The following PDZD9 variants were observed in gnomAD, a reference collection of about 807,000 sequenced individuals.
The protein encoded by PDZD9 is PDZ domain-containing protein 9.
A neutral mutation model predicts 16.3 loss-of-function variants in PDZD9; 13 were observed. The ratio of observed to expected loss-of-function variants is 0.80; its 90% CI spans 0.52 to 1.27. PDZD9 has a LOEUF of 1.27. Among genes scored for constraint, PDZD9 ranks in the 50% most tolerant of loss-of-function variants. The pLI is 0.00. For synonymous variants in PDZD9, 120 were observed against 111.0 expected (o/e 1.08, Z -0.51); for missense variants, 288 against 310.9 (o/e 0.93, Z 0.55).
chr16:21,968,027 A>T, the PDZD9 span, among the ~76,000 whole-genome samples: 3 of 140,952 alleles, frequency 2.1e-5, no homozygotes, highest in Non-Finnish European at 3.0e-5. Flanking sequence ...TTTGAGACAG[A>T]GTCTTGCTGT....
rs1489877984 is a variant in PDZD9 at position 21,984,486 on chromosome 16, C to T, written c.576G>A (p.Lys192=). The T allele has an allele frequency of 5.6e-6, 9 of 1,611,184 alleles. No homozygotes were observed. The highest frequency in any genetic ancestry group is 7.6e-6 in the Non-Finnish European group (9 of 1,177,670). Residue 192 remains lysine (K), a synonymous_variant, in exon 4 of 4, where the codon AAG becomes AAA. Transcript: ENST00000424898. ...ISRDWHGYKK[K]NHTISVGKDI... The stretch of plus-strand genomic sequence containing the variant: ...CTTTTCCTACACTAATAGTATGGTT[C>T]TTCTTCTTATATCCATGCCAGTCTC...
At chr16:21,962,411 C>T in the PDZD9 span, 1 of 1,604,460 alleles carries the variant, frequency 6.2e-7, no homozygotes, top group African/African-American at 1.3e-5. Context: ...TAAGGGAAAG[C>T]TTACTATCCT....
At chr16:21,962,412 T>C in the PDZD9 span, 1 of 1,606,798 alleles carries the variant, frequency 6.2e-7, no homozygotes, top group South Asian at 1.1e-5. Context: ...AAGGGAAAGC[T>C]TACTATCCTG....
At chr16:21,971,515 G>A in the PDZD9 span, 4 of 1,599,172 alleles carry the variant, frequency 2.5e-6, no homozygotes, top group Non-Finnish European at 3.4e-6. Context: ...TTTTGCTTCT[G>A]TTGAAACAGG....
chr16:21,976,823 C>T, the PDZD9 span: 2 of 152,108 alleles, frequency 1.3e-5, no homozygotes, highest in Admixed American at 6.5e-5. Context: ...CAAAAATGAT[C>T]TCTGATTTCC....
chr16:21,981,213 A>T (rs1251543019), downstream of PDZD9, among the ~76,000 whole-genome samples: 1 of 151,240 alleles, frequency 6.6e-6, no homozygotes, highest in Non-Finnish European at 1.5e-5. Flanking sequence ...GTTCTTGCTA[A>T]TTTTTTTTTC....
the PDZD9 span, among the ~76,000 whole-genome samples, chr16:21,970,490 G>A: frequency 2.2e-4 from 34 of 152,334 alleles, no homozygotes; most frequent in South Asian, 6.2e-4. Flanking sequence ...CCTACTGGGT[G>A]GGAAGTGGTC....
At chr16:21,964,118 C>T in the PDZD9 span, among the ~76,000 whole-genome samples, 5 of 152,138 alleles carry the variant, frequency 3.3e-5, no homozygotes, top group African/African-American at 1.2e-4. Context: ...GGCTCCCCTC[C>T]ACATGCAGGC....
chr16:21,962,170 A>G, the PDZD9 span: 1 of 355,500 alleles, frequency 2.8e-6, no homozygotes, highest in African/African-American at 2.1e-5. Context: ...AGAATCATAC[A>G]ATATTTGTCC....
intron 1 of PDZD9, chr16:21,999,330 C>T: frequency 4.6e-6 from 1 of 219,012 alleles, no homozygotes. Context: ...TGCTTCCTCC[C>T]TGGAAAAGGG....
At chr16:21,999,620 G>A (rs946887287) in intron 1 of PDZD9, 1 of 150,538 alleles carries the variant, frequency 6.6e-6, no homozygotes, top group Non-Finnish European at 1.5e-5. Flanking sequence ...GATGCTGTGC[G>A]GAAAAAAGCC....
At chr16:21,961,670 T>TA in the PDZD9 span, among the ~76,000 whole-genome samples, 9 of 48,736 alleles carry the variant, frequency 1.8e-4, no homozygotes, top group Non-Finnish European at 5.8e-4. Flanking sequence ...ATATATATAT[T>TA]TTAGACAGTC....
At chr16:21,988,437 A>G (rs1322086255) in intron 3 of PDZD9, among the ~76,000 whole-genome samples, 165 bp downstream of exon 3, 1 of 152,026 alleles carries the variant, frequency 6.6e-6, no homozygotes, top group Non-Finnish European at 1.5e-5. Context: ...CTCATATTAG[A>G]TCCTACAGAT....
the PDZD9 span, chr16:21,957,541 AT>A: frequency 6.2e-7 from 1 of 1,614,050 alleles, no homozygotes. Flanking sequence ...GGAACCACCC[AT>A]TTGCTGCGTC....
the PDZD9 span, among the ~76,000 whole-genome samples, chr16:21,978,440 T>G: frequency 6.6e-6 from 1 of 152,152 alleles, no homozygotes; most frequent in African/African-American, 2.4e-5. Flanking sequence ...TGAATTGGAT[T>G]TTGTTTTATT....
intron 2 of PDZD9, among the ~76,000 whole-genome samples, chr16:21,992,484 G>T (rs893997787): frequency 2.6e-5 from 4 of 152,136 alleles, no homozygotes; most frequent in African/African-American, 9.7e-5. Flanking sequence ...ACTTGGAGAG[G>T]CAGACCCAAC....
In PDZD9 at chr16:21,990,644, G is replaced by GCAAAA. The variant is rs576783832; in HGVS notation, c.212-1858_212-1854dup. On this transcript the variant is annotated intron_variant, in intron 2 of 3. Coordinates refer to ENST00000424898, the MANE Select transcript of PDZD9 (RefSeq NM_001363519.1). ...CATCCTACTGAGGTTAATTACAATG[G>GCAAAA]CAAAACAAAACAAAACAAAACAAAA... Among the ~76,000 whole-genome samples the GCAAAA allele has an allele frequency of 2.8e-4, 43 of 152,196 alleles. 2 individuals carry two copies. Among genetic ancestry groups the GCAAAA allele is most frequent in the African/African-American group, 7.9e-4 (33 of 41,534 alleles).
chr16:21,997,329 G>A (rs1458425445), intron 1 of PDZD9, among the ~76,000 whole-genome samples: 1 of 152,164 alleles, frequency 6.6e-6, no homozygotes, highest in Non-Finnish European at 1.5e-5. Context: ...TTGAATTAAG[G>A]CCAAAAGGAC....
chr16:21,974,693 A>G, the PDZD9 span, among the ~76,000 whole-genome samples: 1 of 152,172 alleles, frequency 6.6e-6, no homozygotes, highest in African/African-American at 2.4e-5. Flanking sequence ...GTTTTAGGAG[A>G]GTTTACACTG....
Sources: gnomAD v4.1 joint callset for allele counts (sites outside exome capture counted in the v4.1 genomes callset) on GRCh38, gnomAD v4.1.1 for gene constraint, MANE v1.5 for transcripts, NCBI Gene and HGNC (gene_info 2026-07-23, HGNC 2026-07-21) for gene names.